Variants in COLEC12 observed in about 807,000 individuals in gnomAD.
The protein encoded by COLEC12 is collectin-12.
Under a neutral mutation model 71.1 loss-of-function variants are expected in COLEC12, and 33 were observed. That is an observed-to-expected ratio of 0.46 (90% confidence interval 0.35 to 0.62). The LOEUF (loss-of-function observed/expected upper bound fraction) is 0.62. Among genes scored for constraint, COLEC12 ranks in the 20% least tolerant of loss-of-function variants. The probability of loss-of-function intolerance (pLI) is 0.00; values close to 1 mark genes in which losing one functional copy is unlikely to be tolerated. For synonymous variants in COLEC12, 350 were observed against 353.0 expected, an observed-to-expected ratio of 0.99 and a Z score of 0.10; for missense variants, 765 against 916.1, an observed-to-expected ratio of 0.84 and a Z score of 2.13.
chr18:349,069 T>A (rs1176360629), intron 3 of COLEC12, among the ~76,000 whole-genome samples: 1 of 152,222 alleles, frequency 6.6e-6, no homozygotes, highest in Admixed American at 6.5e-5. Context: ...AATTTTCTCT[T>A]GCCGTCCCAA....
rs1293177263 is a variant in COLEC12 at position 327,004 on chromosome 18, T to G, written c.2063+4664A>C. On this transcript the variant is annotated intron_variant, in intron 8 of 9. Transcript: ENST00000400256. The surrounding 1 kb of genome is among the most constrained non-coding windows in gnomAD (Gnocchi z 4.0). Reference sequence around the variant, plus strand: ...CTCACTCATACTGCTGCCCCCACACTCCAGAAAAGATCCTGCAGGCCAGCA... The same window carrying G: ...CTCACTCATACTGCTGCCCCCACACGCCAGAAAAGATCCTGCAGGCCAGCA... Among the ~76,000 whole-genome samples, 1 of 152,042 alleles carries G rather than the reference T, an allele frequency of 6.6e-6. No homozygotes were observed. Among genetic ancestry groups the G allele is most frequent in the East Asian group, 1.9e-4 (1 of 5,172 alleles).
chr18:380,679 C>T (rs183550282), intron 2 of COLEC12, among the ~76,000 whole-genome samples: 6 of 152,244 alleles, frequency 3.9e-5, no homozygotes, highest in African/African-American at 1.4e-4. Flanking sequence ...GGGCCCCTGC[C>T]ATGAAGTTTC....
intron 2 of COLEC12, among the ~76,000 whole-genome samples, chr18:446,891 A>C (rs1190026798): frequency 1.1e-4 from 17 of 152,228 alleles, no homozygotes; most frequent in Admixed American, 1.1e-3. Context: ...CCTGAGGCAC[A>C]TAAATACATC....
At chr18:440,647 TC>T (rs1423501510) in intron 2 of COLEC12, among the ~76,000 whole-genome samples, 2 of 152,176 alleles carry the variant, frequency 1.3e-5, no homozygotes, top group Non-Finnish European at 2.9e-5. Context: ...CCACAGATGC[TC>T]AAGTCCCTTA....
intron 1 of COLEC12, among the ~76,000 whole-genome samples, chr18:498,358 T>TTTTA (rs57747717): frequency 6.8e-6 from 1 of 146,280 alleles, no homozygotes; most frequent in Non-Finnish European, 1.5e-5. Flanking sequence ...TGGAATATTT[T>TTTTA]TTTTCTTTTT....
intron 2 of COLEC12, among the ~76,000 whole-genome samples, chr18:366,059 T>C (rs565952190): frequency 2.6e-5 from 4 of 152,212 alleles, no homozygotes; most frequent in Non-Finnish European, 5.9e-5. Flanking sequence ...TGTTTATTCA[T>C]TTCTTCAAGG....
chr18:407,114 C>G (rs1312345813), intron 2 of COLEC12, among the ~76,000 whole-genome samples: 1 of 152,228 alleles, frequency 6.6e-6, no homozygotes, highest in Non-Finnish European at 1.5e-5. Flanking sequence ...GAGGCTGAGC[C>G]ACATCTGCCC....
intron 5 of COLEC12, among the ~76,000 whole-genome samples, chr18:341,714 T>A (rs1187765037): frequency 6.6e-6 from 1 of 152,222 alleles, no homozygotes; most frequent in Non-Finnish European, 1.5e-5. Flanking sequence ...CTGCATTAAG[T>A]ACTTTCTTTA....
In COLEC12 at chr18:335,286, G is replaced by T. The variant is rs1057359695; in HGVS notation, c.1328-56C>A. The T allele has an allele frequency of 3.3e-6, 5 of 1,524,710 alleles. No homozygotes were observed. In the Admixed American group the frequency reaches 9.5e-5, roughly 29 times the overall value. The allele number at this position is 1,524,710 out of a possible 1,614,324, so 94.4% of individuals were successfully genotyped here. A position where few individuals can be genotyped will look rare whatever the true frequency, so the allele number is the denominator to read the frequency against. The stretch of plus-strand genomic sequence containing the variant: ...GAAATCCACTGTGAATGATAGTTAT[G>T]AATAATTTTTCTTCTTATAAAATCT... On this transcript the variant is annotated intron_variant, in intron 5 of 9. Transcript: ENST00000400256.
chr18:325,656 T>TTTTTTTTTTTA (rs1913824305), intron 8 of COLEC12, among the ~76,000 whole-genome samples: 2 of 89,970 alleles, frequency 2.2e-5, no homozygotes, highest in Non-Finnish European at 4.7e-5. Context: ...TTTTTTTTTT[T>TTTTTTTTTTTA]GAGACAGAGT....
chr18:404,295 T>A (rs531399744), intron 2 of COLEC12, among the ~76,000 whole-genome samples: 7 of 152,370 alleles, frequency 4.6e-5, no homozygotes, highest in African/African-American at 1.7e-4. Context: ...ATCATTCCTC[T>A]GCCTGCTATT....
chr18:360,459 G>T (rs911470397), intron 2 of COLEC12, among the ~76,000 whole-genome samples: 1 of 152,152 alleles, frequency 6.6e-6, no homozygotes, highest in African/African-American at 2.4e-5. Context: ...CCAAAGTGCT[G>T]GGAGTATAGG....
chr18:444,672 G>T (rs1916611601), intron 2 of COLEC12, among the ~76,000 whole-genome samples: 1 of 152,052 alleles, frequency 6.6e-6, no homozygotes, highest in South Asian at 2.1e-4. Flanking sequence ...GGTTAAAATA[G>T]GTTAAAATAT....
chr18:436,752 G>T (rs2143685716), intron 2 of COLEC12, among the ~76,000 whole-genome samples: 1 of 152,066 alleles, frequency 6.6e-6, no homozygotes, highest in African/African-American at 2.4e-5. Flanking sequence ...GAAGGGTTGG[G>T]TATTGCTCTC....
intron 2 of COLEC12, among the ~76,000 whole-genome samples, chr18:409,567 AT>A (rs1915854286): frequency 6.6e-6 from 1 of 152,202 alleles, no homozygotes. Context: ...AAAAGCAAGC[AT>A]TCCTATAGAA....
intron 5 of COLEC12, among the ~76,000 whole-genome samples, chr18:338,311 A>G (rs900424122): frequency 6.6e-6 from 1 of 152,140 alleles, no homozygotes; most frequent in African/African-American, 2.4e-5. Flanking sequence ...AGTCACTATT[A>G]AGCAAGTGTT....
intron 2 of COLEC12, among the ~76,000 whole-genome samples, chr18:395,976 T>C (rs985998084): frequency 6.6e-6 from 1 of 152,228 alleles, no homozygotes; most frequent in African/African-American, 2.4e-5. Context: ...ACAGGCCCTG[T>C]GCGACCCAGA....
intron 2 of COLEC12, among the ~76,000 whole-genome samples, chr18:425,263 A>T (rs1409215649): frequency 6.6e-6 from 1 of 152,194 alleles, no homozygotes; most frequent in East Asian, 1.9e-4. Flanking sequence ...GCCTTGTTGG[A>T]GAGCCGGCCT....
chr18:384,223 T>G (rs924459445), intron 2 of COLEC12, among the ~76,000 whole-genome samples: 2 of 152,056 alleles, frequency 1.3e-5, no homozygotes, highest in African/African-American at 2.4e-5. Flanking sequence ...TCTCTGCTTG[T>G]GGGTCCCAGG....
Sources: gnomAD v4.1 joint callset for allele counts (sites outside exome capture counted in the v4.1 genomes callset) on GRCh38, gnomAD v4.1.1 for gene constraint, Gnocchi (gnomAD v3.1) non-coding constraint, MANE v1.5 for transcripts, NCBI Gene and HGNC (gene_info 2026-07-23, HGNC 2026-07-21) for gene names.